The following KCNJ6 variants were observed in gnomAD, a reference collection of about 807,000 sequenced individuals.
KCNJ6 encodes potassium inwardly rectifying channel subfamily J member 6, also known as G protein-activated inward rectifier potassium channel 2.
KCNJ6 carries 9 observed loss-of-function variants against 34.2 expected under a neutral mutation model. The ratio of observed to expected loss-of-function variants is 0.26; its 90% CI spans 0.16 to 0.46. KCNJ6 has a LOEUF of 0.46. KCNJ6 is among the 20% of genes least tolerant of loss of function. The probability of loss-of-function intolerance (pLI) is 1.00; values close to 1 mark genes in which losing one functional copy is unlikely to be tolerated. For synonymous variants in KCNJ6, 196 were observed against 207.1 expected (o/e 0.95, Z 0.46); for missense variants, 236 against 531.3 (o/e 0.44, Z 5.46).
chr21:37,751,377 C>T (rs1424324258), intron 2 of KCNJ6, among the ~76,000 whole-genome samples: 1 of 152,352 alleles, frequency 6.6e-6, no homozygotes, highest in African/African-American at 2.4e-5. Context: ...AGCATGGGCT[C>T]ATTCCCATCC....
At chr21:37,901,913 C>T (rs1218949911) in intron 1 of KCNJ6, among the ~76,000 whole-genome samples, 1 of 152,110 alleles carries the variant, frequency 6.6e-6, no homozygotes, top group African/African-American at 2.4e-5. Flanking sequence ...CTCTTAGAAG[C>T]AGGGGACAGG....
intron 2 of KCNJ6, among the ~76,000 whole-genome samples, chr21:37,750,586 G>A (rs1353789712): frequency 1.3e-5 from 2 of 152,180 alleles, no homozygotes; most frequent in Admixed American, 1.3e-4. Context: ...CAGGGACATG[G>A]ATGAAGTTGG....
At chr21:37,730,345 G>A (rs2054877986) in intron 2 of KCNJ6, among the ~76,000 whole-genome samples, 1 of 152,202 alleles carries the variant, frequency 6.6e-6, no homozygotes, top group Non-Finnish European at 1.5e-5. Context: ...GTGGGCCTGG[G>A]TTGGAATCCA....
At position 37,709,012 on chromosome 21, in the gene KCNJ6, G is replaced by A. The variant is rs574601886; in HGVS notation, c.946+5199C>T. ...ATGTTCTTCCAGGGGTATTTTTGTAGACAATGCTTATTTAATTTTGATTTC... is the reference window on the plus strand; with the variant it reads ...ATGTTCTTCCAGGGGTATTTTTGTAAACAATGCTTATTTAATTTTGATTTC... On this transcript the variant is annotated intron_variant, in intron 3 of 3. Coordinates refer to ENST00000609713, the MANE Select transcript of KCNJ6 (RefSeq NM_002240.5). Among the ~76,000 whole-genome samples, 269 of 152,298 alleles carry A rather than the reference G, an allele frequency of 1.8e-3. 1 individual carries two copies. Among genetic ancestry groups the A allele is most frequent in the African/African-American group, 6.0e-3 (249 of 41,560 alleles).
At chr21:37,836,069 A>C (rs962162907) in intron 2 of KCNJ6, among the ~76,000 whole-genome samples, 2 of 152,252 alleles carry the variant, frequency 1.3e-5, no homozygotes, top group Non-Finnish European at 2.9e-5. Context: ...CCCATCAAAA[A>C]GTGGGTGAAG....
chr21:37,822,438 G>A (rs1259878597), intron 2 of KCNJ6, among the ~76,000 whole-genome samples: 5 of 152,168 alleles, frequency 3.3e-5, no homozygotes, highest in African/African-American at 1.2e-4. Context: ...GGACAGCTCT[G>A]GGGCTCCTAC....
At chr21:37,655,219 GTGTGTGAGAGA>G (rs2054455361) in intron 3 of KCNJ6, among the ~76,000 whole-genome samples, 2 of 91,612 alleles carry the variant, frequency 2.2e-5, no homozygotes, top group African/African-American at 7.5e-5. Context: ...GTGTGTGTGT[GTGTGTGAGAGA>G]GAGAGAGAGA....
In KCNJ6 at chr21:37,770,594, G is replaced by C. The variant is rs919610420; in HGVS notation, c.26-55463C>G. Among the ~76,000 whole-genome samples, 17 of 152,254 alleles carry C rather than the reference G, an allele frequency of 1.1e-4. No homozygotes were observed. The East Asian group carries it at 3.3e-3, about 29-fold the overall frequency. ...GAATGTCACAATGGAAAATTATAAA[G>C]CTGTCCTCTGCAGGACTGATAATGG... On this transcript the variant is annotated intron_variant, in intron 2 of 3. Transcript: ENST00000609713.
intron 2 of KCNJ6, among the ~76,000 whole-genome samples, chr21:37,829,950 G>A (rs1460639052): frequency 1.3e-5 from 2 of 152,198 alleles, no homozygotes; most frequent in African/African-American, 4.8e-5. Context: ...TGCTGTTGTG[G>A]AAAGAATGAC....
chr21:37,823,926 T>C (rs1403175929), intron 2 of KCNJ6, among the ~76,000 whole-genome samples: 1 of 152,248 alleles, frequency 6.6e-6, no homozygotes, highest in African/African-American at 2.4e-5. Flanking sequence ...TTAATTATTA[T>C]GCATTGTATA....
intron 1 of KCNJ6, among the ~76,000 whole-genome samples, chr21:37,904,685 T>A (rs1472579076): frequency 6.6e-6 from 1 of 152,180 alleles, no homozygotes; most frequent in East Asian, 1.9e-4. Flanking sequence ...TATCAAAGCA[T>A]AAGTGAGTTT....
rs192224604 is a variant in KCNJ6 at position 37,815,135 on chromosome 21, G to T, written c.25+25523C>A. 2.9e-3 allele frequency among the ~76,000 whole-genome samples: 443 copies of T among 152,128 alleles called. 10 individuals carry two copies. Among genetic ancestry groups the T allele is most frequent in the Admixed American group, 0.025 (383 of 15,286 alleles). On this transcript the variant is annotated intron_variant, in intron 2 of 3. Transcript: ENST00000609713. ...ACTGGGGAGGGTAGTGGGAGGCTGG[G>T]GGGAGATGGGGATGGTTAATAGGTA...
At chr21:37,900,250 A>G (rs1240556370) in intron 1 of KCNJ6, among the ~76,000 whole-genome samples, 1 of 152,250 alleles carries the variant, frequency 6.6e-6, no homozygotes, top group Non-Finnish European at 1.5e-5. Flanking sequence ...ATGCTTATAC[A>G]GCACTGTTTA....
chr21:37,644,144 T>C lies in KCNJ6; in HGVS notation c.947-18660A>G, dbSNP rs1041382871. ...CAGAAACACAAAACCAAATACCACA[T>C]GTTCTCACTTAAAAGTGGGAGCTAA... On this transcript the variant is annotated intron_variant, in intron 3 of 3. Coordinates refer to ENST00000609713, the MANE Select transcript of KCNJ6 (RefSeq NM_002240.5). 1.8e-4 allele frequency among the ~76,000 whole-genome samples: 28 copies of C among 152,174 alleles called. 1 individual carries two copies. Among genetic ancestry groups the C allele is most frequent in the African/African-American group, 6.5e-4 (27 of 41,440 alleles).
intron 3 of KCNJ6, among the ~76,000 whole-genome samples, chr21:37,688,937 A>G (rs1359748381): frequency 1.3e-5 from 2 of 152,208 alleles, no homozygotes; most frequent in Non-Finnish European, 2.9e-5. Flanking sequence ...TCATGAATAT[A>G]ATTCTATTGT....
chr21:37,731,123 G>C (rs1365651333), intron 2 of KCNJ6, among the ~76,000 whole-genome samples: 1 of 150,880 alleles, frequency 6.6e-6, no homozygotes, highest in Non-Finnish European at 1.5e-5. Flanking sequence ...GTGTGTGTGT[G>C]TGTGTTTGTG....
intron 3 of KCNJ6, among the ~76,000 whole-genome samples, chr21:37,676,167 G>A (rs928722290): frequency 4.6e-5 from 7 of 152,224 alleles, no homozygotes; most frequent in African/African-American, 9.6e-5. Flanking sequence ...CACAGGGCAC[G>A]TCTGAGTGCA....
At chr21:37,828,062 C>T (rs2055407287) in intron 2 of KCNJ6, among the ~76,000 whole-genome samples, 1 of 152,222 alleles carries the variant, frequency 6.6e-6, no homozygotes, top group African/African-American at 2.4e-5. Flanking sequence ...ATAAGCACTA[C>T]ACCCTCTGTG....
intron 2 of KCNJ6, among the ~76,000 whole-genome samples, chr21:37,809,601 GTAAGTT>G (rs955884258): frequency 6.6e-6 from 1 of 152,072 alleles, no homozygotes; most frequent in Admixed American, 6.5e-5. Context: ...AAAAGATGAT[GTAAGTT>G]TGTTTGGAAA....
Sources: allele counts gnomAD v4.1 joint callset (sites outside exome capture counted in the v4.1 genomes callset), GRCh38; gene constraint gnomAD v4.1.1; transcripts MANE v1.5; gene names NCBI Gene and HGNC (gene_info 2026-07-23, HGNC 2026-07-21).